The following AKR1C3 variants were observed in gnomAD, a reference collection of about 807,000 sequenced individuals.
AKR1C3 encodes aldo-keto reductase family 1 member C3, also known as 3-alpha hydroxysteroid dehydrogenase, type II.
Under a neutral mutation model 43.6 loss-of-function variants are expected in AKR1C3, and 48 were observed. The observed-to-expected ratio is 1.10, with a 90% confidence interval of 0.87 to 1.40. The LOEUF (loss-of-function observed/expected upper bound fraction) is 1.40. Ranked by LOEUF, AKR1C3 falls within the 40% of genes most tolerant of loss-of-function variation. AKR1C3 has a pLI of 0.00. For missense variants in AKR1C3, 482 were observed against 391.2 expected (o/e 1.23, Z -1.96); for synonymous variants, 162 against 139.6 (o/e 1.16, Z -1.13).
chr10:5,067,782 C>G (rs1476041328), intron 1 of AKR1C3, among the ~76,000 whole-genome samples: 2 of 152,114 alleles, frequency 1.3e-5, no homozygotes, highest in African/African-American at 2.4e-5. Flanking sequence ...CCAATGTACT[C>G]AAATTGGATT....
At chr10:5,082,452 C>G (rs545388473) in intron 1 of AKR1C3, among the ~76,000 whole-genome samples, 1 of 152,134 alleles carries the variant, frequency 6.6e-6, no homozygotes, top group Admixed American at 6.6e-5. Flanking sequence ...TATTTTGAGT[C>G]ATGTTCCCTT....
intron 1 of AKR1C3, chr10:5,077,852 G>A (rs939242542): frequency 7.5e-5 from 40 of 530,594 alleles, no homozygotes; most frequent in African/African-American, 3.2e-4. Flanking sequence ...AACTGTTCTC[G>A]GAGTTATTTC....
intron 1 of AKR1C3, among the ~76,000 whole-genome samples, chr10:5,085,072 C>T (rs1174863378): frequency 2.6e-5 from 4 of 152,054 alleles, no homozygotes; most frequent in Non-Finnish European, 4.4e-5. Context: ...CCTTTATTTC[C>T]TTCTCCTGCC....
upstream of AKR1C3, among the ~76,000 whole-genome samples, chr10:5,093,229 T>A (rs36000531): frequency 4.2e-3 from 640 of 152,254 alleles, 12 homozygotes; most frequent in African/African-American, 0.015. Flanking sequence ...TAAATAAGTT[T>A]ATTTTAGTCA....
chr10:5,105,034 C>G (rs1388606968), intron 7 of AKR1C3, among the ~76,000 whole-genome samples: 1 of 145,040 alleles, frequency 6.9e-6, no homozygotes, highest in Non-Finnish European at 1.5e-5. Context: ...TAGTGGCATC[C>G]TCTTGATATT....
rs574438002 is a variant in AKR1C3 at position 5,056,235 on chromosome 10, G to A, written c.84+7340G>A. Among the ~76,000 whole-genome samples the A allele has an allele frequency of 2.6e-5, 4 of 152,292 alleles. No individual in the cohort carries two copies. In the South Asian group the frequency reaches 6.2e-4, roughly 24 times the overall value. ...ATCCCTAAACCCTTGGGGCATGTAAGTTGGGATGTGTGGTCTGTGGGATCC... is the reference window on the plus strand; with the variant it reads ...ATCCCTAAACCCTTGGGGCATGTAAATTGGGATGTGTGGTCTGTGGGATCC... On this transcript the variant is annotated intron_variant, in intron 1 of 8. Coordinates refer to the AKR1C3 transcript ENST00000439082.
At chr10:5,062,124 T>G (rs1210484092) in intron 1 of AKR1C3, among the ~76,000 whole-genome samples, 3 of 152,236 alleles carry the variant, frequency 2.0e-5, no homozygotes, top group Non-Finnish European at 2.9e-5. Context: ...AATACTCTTT[T>G]GAGAACTTGG....
At chr10:5,105,813 A>G in intron 8 of AKR1C3, 136 bp downstream of exon 8, 2 of 689,562 alleles carry the variant, frequency 2.9e-6, no homozygotes, top group South Asian at 3.7e-5. Context: ...CTCCTGCTGG[A>G]TTCACTCCAG....
chr10:5,105,427 A>G, intron 7 of AKR1C3, 168 bp from the exon 8 acceptor site: 1 of 522,972 alleles, frequency 1.9e-6, no homozygotes, highest in South Asian at 2.9e-5. Context: ...ATTTCTGCTT[A>G]TTTTTCGTGA....
At chr10:5,063,597 G>A (rs1838425243) in intron 1 of AKR1C3, among the ~76,000 whole-genome samples, 1 of 151,210 alleles carries the variant, frequency 6.6e-6, no homozygotes, top group African/African-American at 2.4e-5. Context: ...GAAGTTTGAG[G>A]CCAACATGGT....
At chr10:5,093,408 G>C (rs149969206), upstream of AKR1C3, 37 of 152,156 alleles carry the variant, frequency 2.4e-4, no homozygotes, top group African/African-American at 8.9e-4. Context: ...TTGAGGAAAA[G>C]TAAATAGAAC....
intron 1 of AKR1C3, 66 bp downstream of exon 1, chr10:5,094,594 T>C: frequency 3.2e-6 from 5 of 1,553,340 alleles, no homozygotes; most frequent in South Asian, 2.2e-5. Context: ...GAAACCCGTA[T>C]TGGGTTGTAA....
chr10:5,054,077 G>A (rs775603511), intron 1 of AKR1C3, among the ~76,000 whole-genome samples: 4 of 152,162 alleles, frequency 2.6e-5, no homozygotes, highest in Non-Finnish European at 2.9e-5. Context: ...TCCTGTAAGC[G>A]CCGGTTGGCA....
intron 1 of AKR1C3, chr10:5,048,917 C>G (rs1554778654): frequency 6.2e-7 from 1 of 1,601,002 alleles, no homozygotes; most frequent in East Asian, 2.2e-5. Context: ...GTTTTTGGTG[C>G]AGAGAGTTGA....
At chr10:5,074,363 A>G (rs782664596) in intron 1 of AKR1C3, among the ~76,000 whole-genome samples, 21 of 152,206 alleles carry the variant, frequency 1.4e-4, no homozygotes, top group Non-Finnish European at 2.4e-4. Context: ...TATTTTGACA[A>G]ATTTCAAGAT....
chr10:5,063,764 G>GAAAAA lies in AKR1C3; in HGVS notation c.84+14869_84+14870insAAAAA, dbSNP rs1406943359. Reference sequence around the variant, plus strand: ...GAGGACAGAGGTAGTCTCTGTCTCAGCAAAAAAAAAAAAAAAAAAAAAAAA... The same window carrying GAAAAA: ...GAGGACAGAGGTAGTCTCTGTCTCAGAAAAACAAAAAAAAAAAAAAAAAAAAAAAA... On this transcript the variant is annotated intron_variant, in intron 1 of 8. Transcript: ENST00000439082. 7.1e-3 allele frequency among the ~76,000 whole-genome samples: 237 copies of GAAAAA among 33,428 alleles called. 12 individuals carry two copies. The highest frequency in any genetic ancestry group is 9.8e-3 in the Non-Finnish European group (184 of 18,692). The allele number at this position is 33,428 out of a possible 152,430, so 21.9% of individuals were successfully genotyped here. A position where few individuals can be genotyped will look rare whatever the true frequency, so the allele number is the denominator to read the frequency against.
chr10:5,072,581 T>A (rs1348601181), intron 1 of AKR1C3, among the ~76,000 whole-genome samples: 3 of 152,182 alleles, frequency 2.0e-5, no homozygotes, highest in Non-Finnish European at 2.9e-5. Flanking sequence ...GACAACTCTT[T>A]GGAAATGAAA....
intron 1 of AKR1C3, among the ~76,000 whole-genome samples, chr10:5,051,944 A>G (rs1314086167): frequency 1.3e-5 from 2 of 152,148 alleles, no homozygotes; most frequent in Admixed American, 6.5e-5. Flanking sequence ...TTAGCTCAAA[A>G]AGGATGATTT....
chr10:5,075,703 T>A (rs916178792), intron 1 of AKR1C3, among the ~76,000 whole-genome samples: 10 of 152,062 alleles, frequency 6.6e-5, no homozygotes, highest in African/African-American at 2.2e-4. Context: ...GAAGAAACCC[T>A]GTCTCTACTA....
Sources: gnomAD v4.1 joint callset for allele counts (sites outside exome capture counted in the v4.1 genomes callset) on GRCh38, gnomAD v4.1.1 for gene constraint, MANE v1.5 for transcripts, NCBI Gene and HGNC (gene_info 2026-07-23, HGNC 2026-07-21) for gene names.